ZNF385D: variants seen among roughly 807,000 people sequenced by gnomAD.
ZNF385D encodes zinc finger protein 659.
In ZNF385D, 15 loss-of-function variants were observed where a neutral mutation model predicts 35.8. The ratio of observed to expected loss-of-function variants is 0.42; its 90% CI spans 0.28 to 0.64. The LOEUF (loss-of-function observed/expected upper bound fraction) is 0.64. ZNF385D is among the 30% of genes least tolerant of loss of function. ZNF385D has a pLI of 0.23. For synonymous variants in ZNF385D, 212 were observed against 186.8 expected (o/e 1.13, Z -1.10); for missense variants, 474 against 494.6 (o/e 0.96, Z 0.39).
chr3:21,876,129 A>C (rs1697951371), intron 3 of ZNF385D, among the ~76,000 whole-genome samples: 1 of 152,070 alleles, frequency 6.6e-6, no homozygotes, highest in African/African-American at 2.4e-5. Flanking sequence ...ATCAGGAATG[A>C]TATTGTTTGC....
chr3:21,810,374 G>A (rs940741917), intron 3 of ZNF385D, among the ~76,000 whole-genome samples: 5 of 151,802 alleles, frequency 3.3e-5, no homozygotes, highest in African/African-American at 4.8e-5. Flanking sequence ...GGGGCCTGTC[G>A]GGGGTGGGGG....
intron 3 of ZNF385D, among the ~76,000 whole-genome samples, chr3:21,902,870 A>G (rs1263220238): frequency 6.6e-6 from 1 of 152,004 alleles, no homozygotes; most frequent in East Asian, 1.9e-4. Flanking sequence ...CTGATAATAC[A>G]CCCCTTTAGT....
chr3:21,971,469 A>C (rs1261632731), intron 3 of ZNF385D, among the ~76,000 whole-genome samples: 1 of 151,928 alleles, frequency 6.6e-6, no homozygotes, highest in Non-Finnish European at 1.5e-5. Context: ...CAAATCAAAA[A>C]AAATAATGGA....
intron 3 of ZNF385D, among the ~76,000 whole-genome samples, chr3:22,109,782 T>C (rs922839339): frequency 6.6e-6 from 1 of 151,954 alleles, no homozygotes; most frequent in African/African-American, 2.4e-5. Context: ...ACAAATGGGA[T>C]CTAATTAAAC....
At chr3:21,625,501 T>C (rs1193543127) in intron 2 of ZNF385D, among the ~76,000 whole-genome samples, 1 of 152,196 alleles carries the variant, frequency 6.6e-6, no homozygotes, top group Admixed American at 6.6e-5. Context: ...CCTTCACTGA[T>C]GGCTATAGAA....
intron 4 of ZNF385D, among the ~76,000 whole-genome samples, chr3:21,501,076 A>G (rs551027278): frequency 1.3e-5 from 2 of 152,228 alleles, no homozygotes; most frequent in African/African-American, 4.8e-5. Flanking sequence ...CGCAGGCTAC[A>G]TGAATAACAT....
chr3:21,710,018 G>A (rs762163848), intron 1 of ZNF385D, among the ~76,000 whole-genome samples: 1 of 152,208 alleles, frequency 6.6e-6, no homozygotes, highest in African/African-American at 2.4e-5. Context: ...GCTTTGGGAT[G>A]ATTGAGATGA....
At chr3:22,285,082 G>GA (rs1307347997) in intron 2 of ZNF385D, among the ~76,000 whole-genome samples, 1 of 151,978 alleles carries the variant, frequency 6.6e-6, no homozygotes, top group Non-Finnish European at 1.5e-5. Flanking sequence ...AAGTTTAATA[G>GA]AAAAAAATTG....
At chr3:21,990,241 G>A (rs1576099731) in intron 3 of ZNF385D, among the ~76,000 whole-genome samples, 2 of 152,178 alleles carry the variant, frequency 1.3e-5, no homozygotes, top group Admixed American at 6.5e-5. Context: ...CATCTTAGGG[G>A]TTTATTGGCA....
At chr3:22,159,149 C>T (rs1705782991) in intron 3 of ZNF385D, among the ~76,000 whole-genome samples, 1 of 151,902 alleles carries the variant, frequency 6.6e-6, no homozygotes, top group South Asian at 2.1e-4. Flanking sequence ...AAAAATTCTG[C>T]ACTCTCATTT....
intron 3 of ZNF385D, among the ~76,000 whole-genome samples, chr3:21,803,906 T>C (rs1198877647): frequency 1.3e-5 from 2 of 152,224 alleles, no homozygotes; most frequent in African/African-American, 4.8e-5. Flanking sequence ...ATTCAATGTC[T>C]GTGGCGCTGT....
At position 21,689,986 on chromosome 3, in the gene ZNF385D, A is replaced by C. The variant is rs137994073; in HGVS notation, c.23-24958T>G. ...TCTTAATGAGTGCAAGTGAAACACTAATATTTTTGATTGACAGACTGAAAT... is the reference window on the plus strand; with the variant it reads ...TCTTAATGAGTGCAAGTGAAACACTCATATTTTTGATTGACAGACTGAAAT... On this transcript the variant is annotated intron_variant, in intron 1 of 7. Coordinates refer to ENST00000281523, the MANE Select transcript of ZNF385D (RefSeq NM_024697.3). Among the ~76,000 whole-genome samples, 475 of 152,256 alleles carry C rather than the reference A, an allele frequency of 3.1e-3. 4 individuals are homozygous for C. Among genetic ancestry groups the C allele is most frequent in the African/African-American group, 0.011 (445 of 41,552 alleles).
At chr3:22,349,793 T>C (rs1275795790) in intron 2 of ZNF385D, among the ~76,000 whole-genome samples, 1 of 151,936 alleles carries the variant, frequency 6.6e-6, no homozygotes. Context: ...TGAAAGAAAA[T>C]TCAAAAGTAC....
chr3:22,126,340 G>A (rs1457724895), intron 3 of ZNF385D, among the ~76,000 whole-genome samples: 1 of 95,006 alleles, frequency 1.1e-5, no homozygotes, highest in East Asian at 3.7e-4. Context: ...TCACTTTTTT[G>A]GTGTAGGCAC....
At chr3:22,202,626 C>G (rs571044348) in intron 2 of ZNF385D, among the ~76,000 whole-genome samples, 1 of 152,104 alleles carries the variant, frequency 6.6e-6, no homozygotes, top group Non-Finnish European at 1.5e-5. Flanking sequence ...TTTTAACTTC[C>G]TATCTTTGAA....
At chr3:21,429,496 T>C (rs1701192586) in intron 5 of ZNF385D, among the ~76,000 whole-genome samples, 1 of 152,086 alleles carries the variant, frequency 6.6e-6, no homozygotes, top group South Asian at 2.1e-4. Flanking sequence ...CCCTATATAA[T>C]TATGTTGTAA....
intron 2 of ZNF385D, among the ~76,000 whole-genome samples, chr3:21,586,888 G>C (rs1358322011): frequency 6.6e-6 from 1 of 152,146 alleles, no homozygotes; most frequent in African/African-American, 2.4e-5. Flanking sequence ...TTAAGTACTT[G>C]GGAACAGAGG....
intron 3 of ZNF385D, among the ~76,000 whole-genome samples, chr3:21,801,534 G>A (rs912146826): frequency 1.3e-4 from 20 of 152,120 alleles, no homozygotes; most frequent in African/African-American, 4.8e-4. Context: ...TAAACTTCCA[G>A]TTTATGTAAC....
At chr3:21,732,062 T>G (rs2069039143) in intron 1 of ZNF385D, among the ~76,000 whole-genome samples, 1 of 99,174 alleles carries the variant, frequency 1.0e-5, no homozygotes, top group Non-Finnish European at 2.0e-5. Flanking sequence ...TTTTTTTTTT[T>G]TTTTTTTGAG....
Sources: allele counts gnomAD v4.1 joint callset (sites outside exome capture counted in the v4.1 genomes callset), GRCh38; gene constraint gnomAD v4.1.1; transcripts MANE v1.5; gene names NCBI Gene and HGNC (gene_info 2026-07-23, HGNC 2026-07-21).